ZNF680: variants seen among roughly 807,000 people sequenced by gnomAD.
ZNF680 encodes hypothetical protein FLJ90430.
Under a neutral mutation model 12.1 loss-of-function variants are expected in ZNF680, and 6 were observed. The observed-to-expected ratio is 0.49, with a 90% confidence interval of 0.27 to 0.98. ZNF680 has a LOEUF of 0.98. ZNF680 is among the 50% of genes least tolerant of loss of function. The pLI is 0.12. For missense variants in ZNF680, 561 were observed against 616.3 expected (o/e 0.91, Z 0.95); for synonymous variants, 170 against 199.3 (o/e 0.85, Z 1.24).
intron 1 of ZNF680, 90 bp downstream of exon 1, chr7:64,562,835 T>G (rs1476051620): frequency 2.7e-6 from 4 of 1,494,960 alleles, no homozygotes; most frequent in African/African-American, 2.8e-5. Context: ...TGGAGCCCAG[T>G]GCTTGGAGCC....
chr7:64,541,460 A>G (rs1167378813), intron 3 of ZNF680, among the ~76,000 whole-genome samples: 1 of 152,178 alleles, frequency 6.6e-6, no homozygotes, highest in Non-Finnish European at 1.5e-5. Flanking sequence ...TGACAGCTAC[A>G]TGGTACATTC....
At chr7:64,511,747 TAAA>T in the ZNF680 span, among the ~76,000 whole-genome samples, 1 of 151,398 alleles carries the variant, frequency 6.6e-6, no homozygotes, top group African/African-American at 2.4e-5. Context: ...TTTTAATTAA[TAAA>T]AAAAAAAATT....
intron 1 of ZNF680, among the ~76,000 whole-genome samples, chr7:64,557,550 G>A (rs1191678931): frequency 6.9e-6 from 1 of 144,960 alleles, no homozygotes; most frequent in Non-Finnish European, 1.5e-5. Flanking sequence ...GCAAGGGTCC[G>A]TCTCAAAAAA....
the ZNF680 span, among the ~76,000 whole-genome samples, chr7:64,499,772 A>G: frequency 1.6e-4 from 25 of 152,164 alleles, no homozygotes; most frequent in African/African-American, 5.3e-4. Context: ...AAAAACAGCC[A>G]GCTCGGGCAC....
the ZNF680 span, among the ~76,000 whole-genome samples, chr7:64,513,628 GCTTT>G: frequency 6.6e-6 from 1 of 150,960 alleles, no homozygotes. Flanking sequence ...GTAAAATTTA[GCTTT>G]CTTTCTTTTA....
At chr7:64,501,323 G>A in the ZNF680 span, 8 of 1,207,912 alleles carry the variant, frequency 6.6e-6, no homozygotes, top group Non-Finnish European at 7.3e-6. Context: ...ACCTCATGAA[G>A]GGGCAAAAGT....
At chr7:64,503,637 C>A in the ZNF680 span, among the ~76,000 whole-genome samples, 1 of 152,156 alleles carries the variant, frequency 6.6e-6, no homozygotes, top group South Asian at 2.1e-4. Context: ...CACCTTGCCT[C>A]GCAAAGTGCT....
the ZNF680 span, among the ~76,000 whole-genome samples, chr7:64,504,894 A>T: frequency 6.6e-6 from 1 of 152,156 alleles, no homozygotes; most frequent in Non-Finnish European, 1.5e-5. Context: ...TGGGAAATAA[A>T]TTTTTTGTCA....
chr7:64,544,168 G>A (rs772315143), intron 2 of ZNF680, 138 bp downstream of exon 2: 1 of 1,323,848 alleles, frequency 7.6e-7, no homozygotes, highest in Non-Finnish European at 1.0e-6. Flanking sequence ...TTTCTACATG[G>A]ACAAAGCTCA....
chr7:64,537,731 T>G (rs1051629190), intron 3 of ZNF680, among the ~76,000 whole-genome samples: 16 of 151,898 alleles, frequency 1.1e-4, no homozygotes, highest in Admixed American at 6.6e-4. Flanking sequence ...ATCGAGACCA[T>G]CCTGGCTAAC....
intron 3 of ZNF680, among the ~76,000 whole-genome samples, chr7:64,531,411 T>A (rs893710705): frequency 6.6e-6 from 1 of 151,916 alleles, no homozygotes; most frequent in Non-Finnish European, 1.5e-5. Flanking sequence ...CTGGCTAACA[T>A]GGGGAAACCC....
At position 64,543,759 on chromosome 7, in the gene ZNF680, T is replaced by C; in HGVS notation, c.201A>G (p.Gln67=). 6.2e-7 allele frequency: 1 copy of C among 1,613,756 alleles called. No individual in the cohort carries two copies. Among genetic ancestry groups the C allele is most frequent in the South Asian group, 1.1e-5 (1 of 91,060 alleles). Residue 67 remains glutamine, a synonymous_variant, in exon 3 of 4, where the codon CAA becomes CAG. Transcript: ENST00000309683. The part of the protein sequence containing the change: ...SKPHLITCLE[Q]GKEPWNRKRQ... ...TCTTCCTATTCCAGGGCTCTTTTCC[T>C]TGCTCCAAACAGGTTATCAGGTGAG... is the stretch of plus-strand genomic sequence containing the variant.
At chr7:64,511,284 A>T in the ZNF680 span, among the ~76,000 whole-genome samples, 1 of 152,186 alleles carries the variant, frequency 6.6e-6, no homozygotes, top group African/African-American at 2.4e-5. Context: ...AAATAAAATA[A>T]AATAAAACCT....
intron 3 of ZNF680, among the ~76,000 whole-genome samples, chr7:64,542,466 A>C (rs1786556630): frequency 6.6e-6 from 1 of 152,224 alleles, no homozygotes; most frequent in South Asian, 2.1e-4. Context: ...TATATATAAA[A>C]AATTATAAAC....
chr7:64,545,628 T>C (rs1484812167), intron 1 of ZNF680, among the ~76,000 whole-genome samples: 1 of 152,184 alleles, frequency 6.6e-6, no homozygotes, highest in Non-Finnish European at 1.5e-5. Context: ...GAAACATCAA[T>C]TTTATGCAAA....
At chr7:64,538,217 T>C (rs933570327) in intron 3 of ZNF680, among the ~76,000 whole-genome samples, 2 of 152,124 alleles carry the variant, frequency 1.3e-5, no homozygotes, top group Non-Finnish European at 2.9e-5. Flanking sequence ...TTGGCACCAT[T>C]TTCTTAGATA....
At chr7:64,511,079 G>A in the ZNF680 span, among the ~76,000 whole-genome samples, 3 of 151,604 alleles carry the variant, frequency 2.0e-5, no homozygotes, top group African/African-American at 7.3e-5. Flanking sequence ...AGACCAGCCT[G>A]GTCAACGCAG....
chr7:64,560,716 G>A (rs1047811637), intron 1 of ZNF680, among the ~76,000 whole-genome samples: 1 of 151,992 alleles, frequency 6.6e-6, no homozygotes, highest in Non-Finnish European at 1.5e-5. Context: ...GGAGGCTGAG[G>A]GAGGAGAATC....
chr7:64,547,191 G>A (rs1584392476), intron 1 of ZNF680, among the ~76,000 whole-genome samples: 1 of 152,154 alleles, frequency 6.6e-6, no homozygotes, highest in Non-Finnish European at 1.5e-5. Context: ...TTTGGAAAGG[G>A]TCCATGAATG....
Sources: gnomAD v4.1 joint callset for allele counts (sites outside exome capture counted in the v4.1 genomes callset) on GRCh38, gnomAD v4.1.1 for gene constraint, MANE v1.5 for transcripts, NCBI Gene and HGNC (gene_info 2026-07-23, HGNC 2026-07-21) for gene names.